The following RABGAP1L variants were observed in gnomAD, a reference collection of about 807,000 sequenced individuals.
RABGAP1L encodes RAB GTPase activating protein 1 like, also known as rab GTPase-activating protein 1-like.
RABGAP1L carries 63 observed loss-of-function variants against 137.7 expected under a neutral mutation model. The observed-to-expected ratio is 0.46, with a 90% CI of 0.37 to 0.56. The LOEUF is 0.56. Ranked by LOEUF, RABGAP1L falls within the 20% of genes least tolerant of loss-of-function variation. The probability of loss-of-function intolerance (pLI) is 0.00; values close to 1 mark genes in which losing one functional copy is unlikely to be tolerated. For synonymous variants in RABGAP1L, 431 were observed against 433.7 expected (o/e 0.99, Z 0.08); for missense variants, 1,095 against 1,244.0 (o/e 0.88, Z 1.80).
chr1:174,817,946 G>T (rs1193169495), intron 19 of RABGAP1L, among the ~76,000 whole-genome samples: 1 of 152,190 alleles, frequency 6.6e-6, no homozygotes, highest in Non-Finnish European at 1.5e-5. Flanking sequence ...AAGCAACTTG[G>T]TGGAAATCAC....
intron 7 of RABGAP1L, among the ~76,000 whole-genome samples, chr1:174,264,237 A>G: frequency 6.6e-6 from 1 of 151,980 alleles, no homozygotes; most frequent in East Asian, 1.9e-4. Flanking sequence ...GAAGTTTTAT[A>G]TATTTAGGTG....
intron 19 of RABGAP1L, among the ~76,000 whole-genome samples, chr1:174,813,010 G>C (rs1021606817): frequency 6.6e-6 from 1 of 152,338 alleles, no homozygotes; most frequent in Non-Finnish European, 1.5e-5. Context: ...TGCTCACAAA[G>C]AGCCAGAAAA....
At chr1:174,894,203 C>T (rs1187822687) in intron 19 of RABGAP1L, among the ~76,000 whole-genome samples, 1 of 152,244 alleles carries the variant, frequency 6.6e-6, no homozygotes, top group African/African-American at 2.4e-5. Context: ...AGAAGCTCTA[C>T]AGTGCTCTCC....
At chr1:174,860,448 T>TA (rs909857329) in intron 19 of RABGAP1L, among the ~76,000 whole-genome samples, 2 of 151,292 alleles carry the variant, frequency 1.3e-5, no homozygotes, top group African/African-American at 4.9e-5. Context: ...AGACCCTGTT[T>TA]AAAAAAAAAT....
intron 21 of RABGAP1L, among the ~76,000 whole-genome samples, chr1:174,974,515 AAACTTGAC>A (rs2149374785): frequency 6.6e-6 from 1 of 152,316 alleles, no homozygotes; most frequent in Admixed American, 6.5e-5. Context: ...CAACTTATGA[AAACTTGAC>A]TTGCAGTGTT....
At chr1:174,530,190 G>T (rs1452167264) in intron 13 of RABGAP1L, among the ~76,000 whole-genome samples, 1 of 151,760 alleles carries the variant, frequency 6.6e-6, no homozygotes, top group Non-Finnish European at 1.5e-5. Context: ...CCTTGTCACT[G>T]GGTGTACTAC....
chr1:174,812,041 A>G, intron 19 of RABGAP1L, 81 bp downstream of exon 19: 2 of 1,294,878 alleles, frequency 1.5e-6, no homozygotes, highest in Middle Eastern at 2.1e-4. Context: ...ATTTTTTTAT[A>G]TGTTGCAAGG....
chr1:174,817,190 TGTTA>T (rs1690527649), intron 19 of RABGAP1L, among the ~76,000 whole-genome samples: 1 of 152,228 alleles, frequency 6.6e-6, no homozygotes, highest in African/African-American at 2.4e-5. Context: ...TTTTAAAATA[TGTTA>T]GTTTATTTCA....
Position 174,879,262 on chromosome 1 carries a change from A to C in RABGAP1L, c.2340+67302A>C, listed in dbSNP as rs548957392. 9.2e-5 allele frequency among the ~76,000 whole-genome samples: 14 copies of C among 152,158 alleles called. No homozygotes were observed. The East Asian group carries it at 1.7e-3, about 19-fold the overall frequency. On this transcript the variant is annotated intron_variant, in intron 19 of 25. Coordinates refer to ENST00000681986, the MANE Select transcript of RABGAP1L (RefSeq NM_001366446.1). ...ACTACAGGTGCACACCACCATGCCC[A>C]GCTAATTTTTGTATTTTAGTAGAGA...
intron 2 of RABGAP1L, among the ~76,000 whole-genome samples, chr1:174,220,458 AG>A (rs1242809013): frequency 2.0e-5 from 3 of 152,134 alleles, no homozygotes; most frequent in African/African-American, 7.2e-5. Flanking sequence ...GCTTGAGGTA[AG>A]GAGCTCAAGA....
At chr1:174,867,560 T>C (rs186867403) in intron 19 of RABGAP1L, among the ~76,000 whole-genome samples, 76 of 152,322 alleles carry the variant, frequency 5.0e-4, no homozygotes, top group African/African-American at 1.7e-3. Context: ...CTTTCATTTG[T>C]GACAAACCTG....
At chr1:174,753,379 C>T (rs933960060) in intron 18 of RABGAP1L, among the ~76,000 whole-genome samples, 3 of 152,100 alleles carry the variant, frequency 2.0e-5, no homozygotes, top group African/African-American at 7.2e-5. Flanking sequence ...AGAGCCTTAA[C>T]CATACCTAAC....
At chr1:174,656,166 T>C (rs2148406516) in intron 14 of RABGAP1L, among the ~76,000 whole-genome samples, 1 of 152,290 alleles carries the variant, frequency 6.6e-6, no homozygotes, top group South Asian at 2.1e-4. Context: ...CTTTAAAGTG[T>C]ACAATTCAGG....
chr1:174,892,218 C>T (rs1458975808), intron 19 of RABGAP1L, among the ~76,000 whole-genome samples: 1 of 152,202 alleles, frequency 6.6e-6, no homozygotes, highest in Non-Finnish European at 1.5e-5. Context: ...ACCAGCTGCC[C>T]TCTCCCGCCT....
At chr1:174,691,838 G>C (rs1678897052) in intron 15 of RABGAP1L, among the ~76,000 whole-genome samples, 1 of 151,654 alleles carries the variant, frequency 6.6e-6, no homozygotes, top group Non-Finnish European at 1.5e-5. Flanking sequence ...TTTTTTTTAA[G>C]TAGGTAGGTA....
intron 14 of RABGAP1L, among the ~76,000 whole-genome samples, chr1:174,674,707 G>C (rs567163189): frequency 5.9e-5 from 9 of 151,532 alleles, no homozygotes; most frequent in Admixed American, 2.6e-4. Flanking sequence ...CCCACCAACA[G>C]TGTAAAAGTG....
rs1671810025 is a variant in RABGAP1L, at chr1:174,241,364, A to G, written c.543-119A>G. 9.8e-6 allele frequency: 6 copies of G among 615,286 alleles called. No individual in the cohort carries two copies. In the South Asian group the frequency reaches 2.1e-4, roughly 22 times the overall value. 38.1% of individuals were successfully genotyped at this position (615,286 alleles called of 1,614,324 possible). A position where few individuals can be genotyped will look rare whatever the true frequency, so the allele number is the denominator to read the frequency against. On this transcript the variant is annotated intron_variant, in intron 4 of 25. Transcript: ENST00000681986. ...AAAAAAGATAGTTATTTTATATATC[A>G]TATATTGTCATAGTAAAACTATTTG...
chr1:174,308,978 A>C (rs1195943471), intron 11 of RABGAP1L, among the ~76,000 whole-genome samples: 2 of 151,950 alleles, frequency 1.3e-5, no homozygotes, highest in African/African-American at 4.8e-5. Context: ...ATAGACATTT[A>C]AACATATTAA....
chr1:174,463,321 A>G (rs1656916940), intron 13 of RABGAP1L, among the ~76,000 whole-genome samples: 1 of 150,004 alleles, frequency 6.7e-6, no homozygotes, highest in African/African-American at 2.4e-5. Context: ...ACCATGGAAT[A>G]CTATGCAGCC....
Sources: gnomAD v4.1 joint callset for allele counts (sites outside exome capture counted in the v4.1 genomes callset) on GRCh38, gnomAD v4.1.1 for gene constraint, MANE v1.5 for transcripts, NCBI Gene and HGNC (gene_info 2026-07-23, HGNC 2026-07-21) for gene names.